Variants in FSTL4 observed in about 807,000 individuals in gnomAD.
FSTL4 encodes the protein follistatin like 4.
Under a neutral mutation model 78.2 loss-of-function variants are expected in FSTL4, and 28 were observed. That is an observed-to-expected ratio of 0.36 (90% CI 0.27 to 0.49). The LOEUF is 0.49. Ranked by LOEUF, FSTL4 falls within the 20% of genes least tolerant of loss-of-function variation. The pLI is 0.98. For synonymous variants in FSTL4, 422 were observed against 440.5 expected, an observed-to-expected ratio of 0.96 and a Z score of 0.53; for missense variants, 922 against 1,084.9, an observed-to-expected ratio of 0.85 and a Z score of 2.11.
At chr5:133,535,724 C>T (rs935966629) in intron 3 of FSTL4, among the ~76,000 whole-genome samples, 14 of 152,062 alleles carry the variant, frequency 9.2e-5, no homozygotes, top group Admixed American at 2.6e-4. Context: ...GAGCTGTTCT[C>T]GGCAGAGAAC....
At chr5:133,276,824 C>T (rs186866133) in intron 6 of FSTL4, among the ~76,000 whole-genome samples, 6 of 152,272 alleles carry the variant, frequency 3.9e-5, no homozygotes, top group African/African-American at 1.2e-4. Flanking sequence ...GGTACATCAA[C>T]CCAGGTGGCA....
the FSTL4 span, among the ~76,000 whole-genome samples, chr5:133,764,439 G>A: frequency 6.6e-6 from 1 of 152,172 alleles, no homozygotes; most frequent in African/African-American, 2.4e-5. Flanking sequence ...CAGAGAACAA[G>A]CCAAAGGTCC....
intron 6 of FSTL4, among the ~76,000 whole-genome samples, chr5:133,309,225 TG>T (rs1753722091): frequency 6.6e-6 from 1 of 151,204 alleles, no homozygotes; most frequent in South Asian, 2.1e-4. Flanking sequence ...CACTACTCCT[TG>T]TTGGGGTGGT....
intron 3 of FSTL4, 109 bp downstream of exon 3, chr5:133,567,077 A>G: frequency 1.2e-6 from 1 of 829,924 alleles, no homozygotes; most frequent in South Asian, 1.4e-5. Flanking sequence ...GGCCGCATGA[A>G]ATTTCAAAGA....
chr5:133,669,409 G>A, the FSTL4 span, among the ~76,000 whole-genome samples: 1 of 152,234 alleles, frequency 6.6e-6, no homozygotes, highest in African/African-American at 2.4e-5. Context: ...AAAGTGCTCA[G>A]GAGGGCAACA....
At chr5:133,331,402 G>T (rs1158227499) in intron 4 of FSTL4, among the ~76,000 whole-genome samples, 1 of 152,162 alleles carries the variant, frequency 6.6e-6, no homozygotes, top group Non-Finnish European at 1.5e-5. Context: ...TCTGATGTGA[G>T]GGGTGCCTGG....
At chr5:133,698,551 C>T in the FSTL4 span, among the ~76,000 whole-genome samples, 3 of 152,220 alleles carry the variant, frequency 2.0e-5, no homozygotes, top group Admixed American at 1.3e-4. Context: ...ATGATGATTA[C>T]GTGCAATAAT....
chr5:133,692,917 C>T, the FSTL4 span, among the ~76,000 whole-genome samples: 39 of 152,342 alleles, frequency 2.6e-4, no homozygotes, highest in African/African-American at 7.0e-4. Context: ...CACTGTGTAC[C>T]TTGCACCACT....
At chr5:133,227,517 C>T (rs1034435319) in intron 8 of FSTL4, among the ~76,000 whole-genome samples, 13 of 152,080 alleles carry the variant, frequency 8.5e-5, no homozygotes, top group South Asian at 2.1e-4. Context: ...AATTCAGTAA[C>T]GCAGAGAGAG....
At chr5:133,360,888 G>T (rs566773343) in intron 4 of FSTL4, among the ~76,000 whole-genome samples, 61 of 152,260 alleles carry the variant, frequency 4.0e-4, no homozygotes, top group African/African-American at 1.5e-3. Context: ...ACTCCCTAAC[G>T]CAGGGAGCTT....
chr5:133,317,432 A>G (rs927595141), intron 4 of FSTL4, among the ~76,000 whole-genome samples: 2 of 152,214 alleles, frequency 1.3e-5, no homozygotes, highest in Non-Finnish European at 1.5e-5. Context: ...CAGCCCCTCC[A>G]GCCCCACTTC....
At chr5:133,582,855 C>T (rs1760451393) in intron 2 of FSTL4, among the ~76,000 whole-genome samples, 1 of 152,182 alleles carries the variant, frequency 6.6e-6, no homozygotes, top group Admixed American at 6.5e-5. Flanking sequence ...TATCCCTGTC[C>T]TGCCCTTTGA....
At chr5:133,698,587 G>A in the FSTL4 span, among the ~76,000 whole-genome samples, 1 of 152,248 alleles carries the variant, frequency 6.6e-6, no homozygotes, top group African/African-American at 2.4e-5. Flanking sequence ...GCGATAATGC[G>A]TGACCATTAC....
chr5:133,711,174 T>C, the FSTL4 span, among the ~76,000 whole-genome samples: 4 of 152,168 alleles, frequency 2.6e-5, no homozygotes, highest in Non-Finnish European at 4.4e-5. Context: ...GCTCTGTCTC[T>C]GGAGGAAGAA....
intron 3 of FSTL4, among the ~76,000 whole-genome samples, chr5:133,551,643 T>C (rs1021225479): frequency 6.6e-5 from 10 of 152,220 alleles, no homozygotes; most frequent in African/African-American, 2.4e-4. Context: ...TATAAAATCG[T>C]GTGATTCTGG....
At chr5:133,277,364 C>T (rs914238777) in intron 6 of FSTL4, among the ~76,000 whole-genome samples, 12 of 151,166 alleles carry the variant, frequency 7.9e-5, no homozygotes, top group East Asian at 5.8e-4. Flanking sequence ...GGTAGGAGGA[C>T]GGGTATGGGG....
chr5:133,644,919 C>T, the FSTL4 span, among the ~76,000 whole-genome samples: 1 of 152,076 alleles, frequency 6.6e-6, no homozygotes, highest in Non-Finnish European at 1.5e-5. Context: ...CCTGATTTGG[C>T]CCATCTCTCA....
chr5:133,578,391 CG>C (rs1561475784), intron 2 of FSTL4, among the ~76,000 whole-genome samples: 1 of 152,202 alleles, frequency 6.6e-6, no homozygotes, highest in East Asian at 1.9e-4. Flanking sequence ...ATCTGTAAAA[CG>C]GGCAGACCCG....
intron 2 of FSTL4, chr5:133,583,287 C>T (rs1471349424): frequency 2.4e-6 from 1 of 420,242 alleles, no homozygotes; most frequent in Non-Finnish European, 4.8e-6. Flanking sequence ...ATCAAGGCCC[C>T]AGGAGGAGCC....
Sources: allele counts gnomAD v4.1 joint callset (sites outside exome capture counted in the v4.1 genomes callset), GRCh38; gene constraint gnomAD v4.1.1; transcripts MANE v1.5; gene names NCBI Gene and HGNC (gene_info 2026-07-23, HGNC 2026-07-21).